The following EPS15 variants were observed in gnomAD, a reference collection of about 807,000 sequenced individuals.
EPS15 encodes the protein epidermal growth factor receptor substrate 15.
A neutral mutation model predicts 113.8 loss-of-function variants in EPS15; 72 were observed. The ratio of observed to expected loss-of-function variants is 0.63; its 90% CI spans 0.52 to 0.77. EPS15 has a LOEUF of 0.77. Among genes scored for constraint, EPS15 ranks in the 30% least tolerant of loss-of-function variants. The probability of loss-of-function intolerance (pLI) is 0.00; values close to 1 mark genes in which losing one functional copy is unlikely to be tolerated. For synonymous variants in EPS15, 344 were observed against 363.4 expected (o/e 0.95, Z 0.61); for missense variants, 1,048 against 1,045.8 (o/e 1.00, Z -0.03).
intron 24 of EPS15, among the ~76,000 whole-genome samples, chr1:51,357,948 A>AG (rs1483297521): frequency 6.6e-6 from 1 of 152,034 alleles, no homozygotes; most frequent in African/African-American, 2.4e-5. Flanking sequence ...CATGTTGGTT[A>AG]GGCTGATCTC....
In EPS15 at chr1:51,439,394, G is replaced by A. The variant is rs150195682; in HGVS notation, c.1040+953C>T. On this transcript the variant is annotated intron_variant, in intron 12 of 24. Transcript: ENST00000371733. ...TGCCAAATTATTGCCATATAAGGCAGTTAACTCATTTAATCTCCTTATATC... is the reference window on the plus strand; with the variant it reads ...TGCCAAATTATTGCCATATAAGGCAATTAACTCATTTAATCTCCTTATATC... Among the ~76,000 whole-genome samples the A allele has an allele frequency of 3.5e-3, 530 of 152,084 alleles. 4 individuals carry two copies. The highest frequency in any genetic ancestry group is 0.012 in the African/African-American group (507 of 41,502).
At position 51,367,122 on chromosome 1, in the gene EPS15, T is replaced by C. The variant is rs190345823; in HGVS notation, c.2120-1093A>G. 1.7e-3 allele frequency among the ~76,000 whole-genome samples: 261 copies of C among 152,262 alleles called. 1 individual carries two copies. The highest frequency in any genetic ancestry group is 5.8e-3 in the African/African-American group (243 of 41,542). On this transcript the variant is annotated intron_variant, in intron 21 of 24. Coordinates refer to ENST00000371733, the MANE Select transcript of EPS15 (RefSeq NM_001981.3). ...GGGAGTCACTAACTGCCTGGGTGAA[T>C]CTGGAAACGGAGCAAAGAAGCCATT...
At chr1:51,494,592 A>T (rs888110814) in intron 1 of EPS15, among the ~76,000 whole-genome samples, 1 of 152,214 alleles carries the variant, frequency 6.6e-6, no homozygotes, top group Non-Finnish European at 1.5e-5. Context: ...TGATCACTGT[A>T]TCAGTTCACA....
At position 51,418,323 on chromosome 1, in the gene EPS15, A is replaced by G. The variant is rs546259691; in HGVS notation, c.1113+3463T>C. The stretch of plus-strand genomic sequence containing the variant: ...ATCTGTCCTTGGCAAAGTCAATGGA[A>G]GCAAAGGTTCAGAGAGGTAGGAAGA... On this transcript the variant is annotated intron_variant, in intron 13 of 24. Coordinates refer to ENST00000371733, the MANE Select transcript of EPS15 (RefSeq NM_001981.3). Among the ~76,000 whole-genome samples the G allele has an allele frequency of 1.4e-4, 22 of 152,242 alleles. No individual in the cohort carries two copies. The South Asian group carries it at 4.6e-3, about 32-fold the overall frequency.
At chr1:51,513,480 A>G (rs1038332684) in intron 1 of EPS15, among the ~76,000 whole-genome samples, 3 of 152,220 alleles carry the variant, frequency 2.0e-5, no homozygotes, top group Non-Finnish European at 2.9e-5. Context: ...CATATACAGT[A>G]TACATATATA....
intron 13 of EPS15, among the ~76,000 whole-genome samples, chr1:51,417,909 ATCATTAATGG>A (rs1650389696): frequency 6.6e-6 from 1 of 152,218 alleles, no homozygotes. Flanking sequence ...ACACCCTCCC[ATCATTAATGG>A]TGGCAGTGAG....
intron 12 of EPS15, among the ~76,000 whole-genome samples, chr1:51,426,856 C>T (rs12566789): frequency 0.012 from 1,687 of 139,644 alleles, 46 homozygotes; most frequent in African/African-American, 0.045. Context: ...TATATATACA[C>T]ACACACATAT....
intron 21 of EPS15, among the ~76,000 whole-genome samples, chr1:51,387,595 C>T (rs188487509): frequency 2.3e-4 from 35 of 152,222 alleles, no homozygotes; most frequent in African/African-American, 7.5e-4. Flanking sequence ...CAGAGACACA[C>T]ATAGGCTCAA....
At chr1:51,433,551 G>C (rs577415786) in intron 12 of EPS15, among the ~76,000 whole-genome samples, 1 of 152,366 alleles carries the variant, frequency 6.6e-6, no homozygotes, top group African/African-American at 2.4e-5. Flanking sequence ...TCTACTGGGA[G>C]AGAAGGAAAT....
intron 2 of EPS15, among the ~76,000 whole-genome samples, chr1:51,474,891 T>C (rs4459155): frequency 0.3 from 44,263 of 145,676 alleles, 8,840 homozygotes; most frequent in African/African-American, 0.57. Flanking sequence ...TCCAAGTGTT[T>C]TCATTGTTCA....
intron 10 of EPS15, among the ~76,000 whole-genome samples, chr1:51,445,280 C>T (rs900113982): frequency 4.6e-5 from 7 of 152,164 alleles, no homozygotes; most frequent in Admixed American, 1.3e-4. Context: ...TGGGTTTACA[C>T]TTTGTGTTTT....
Position 51,448,032 on chromosome 1 carries a change from C to A in EPS15, c.651+14G>T. 1 of 1,612,400 alleles carries A rather than the reference C, an allele frequency of 6.2e-7. No individual in the cohort carries two copies. Among genetic ancestry groups the A allele is most frequent in the Non-Finnish European group, 8.5e-7 (1 of 1,179,048 alleles). On this transcript the variant is annotated intron_variant, in intron 9 of 24. Coordinates refer to ENST00000371733, the MANE Select transcript of EPS15 (RefSeq NM_001981.3). ...TGAAGAGGGGATCAACCGCACAGAG[C>A]CTGATATACTGACCGTTTTTCTCTT...
At chr1:51,406,149 T>C (rs979646225) in intron 15 of EPS15, 41 bp from the exon 16 acceptor site, 4 of 1,557,958 alleles carry the variant, frequency 2.6e-6, no homozygotes, top group Middle Eastern at 2.3e-4. Context: ...AATTTATTAC[T>C]AGAAAGACAT....
At chr1:51,431,972 G>GCTA (rs1377332005) in intron 12 of EPS15, among the ~76,000 whole-genome samples, 6 of 152,094 alleles carry the variant, frequency 3.9e-5, no homozygotes, top group African/African-American at 1.4e-4. Flanking sequence ...ATAAATTTCA[G>GCTA]CTATTATTAT....
intron 4 of EPS15, 61 bp from the exon 5 acceptor site, chr1:51,468,629 C>T (rs1215998460): frequency 1.1e-5 from 11 of 972,352 alleles, no homozygotes; most frequent in Non-Finnish European, 1.5e-5. Flanking sequence ...CCTACCTGCA[C>T]AAATACTTAC....
At chr1:51,390,039 A>G (rs1227587247) in intron 21 of EPS15, among the ~76,000 whole-genome samples, 2 of 152,146 alleles carry the variant, frequency 1.3e-5, no homozygotes, top group East Asian at 1.9e-4. Flanking sequence ...CAAAGCTGGC[A>G]GCATCAAATA....
intron 13 of EPS15, among the ~76,000 whole-genome samples, chr1:51,419,825 T>G (rs1281560212): frequency 6.6e-6 from 1 of 152,094 alleles, no homozygotes; most frequent in Non-Finnish European, 1.5e-5. Flanking sequence ...AATATACTTA[T>G]TACCACCTAT....
At chr1:51,375,193 G>C (rs1487310940) in intron 21 of EPS15, among the ~76,000 whole-genome samples, 2 of 151,194 alleles carry the variant, frequency 1.3e-5, no homozygotes, top group Non-Finnish European at 2.9e-5. Flanking sequence ...AGTAGAGACA[G>C]GGTTTCACTG....
chr1:51,381,584 C>T (rs1646943053), intron 21 of EPS15, among the ~76,000 whole-genome samples: 1 of 152,114 alleles, frequency 6.6e-6, no homozygotes, highest in Admixed American at 6.5e-5. Flanking sequence ...CAGAACGAGG[C>T]TCTATCTCAA....
Sources: gnomAD v4.1 joint callset for allele counts (sites outside exome capture counted in the v4.1 genomes callset) on GRCh38, gnomAD v4.1.1 for gene constraint, MANE v1.5 for transcripts, NCBI Gene and HGNC (gene_info 2026-07-23, HGNC 2026-07-21) for gene names.